ANKRD30A: variants seen among roughly 807,000 people sequenced by gnomAD.
The protein encoded by ANKRD30A is ankyrin repeat domain 30A, also known as ankyrin repeat domain-containing protein 30A.
ANKRD30A carries 170 observed loss-of-function variants against 166.3 expected under a neutral mutation model. The observed-to-expected ratio is 1.02, with a 90% CI of 0.90 to 1.16. The LOEUF is 1.16. Among genes scored for constraint, ANKRD30A ranks in the 50% most tolerant of loss-of-function variants. The probability of loss-of-function intolerance (pLI) is 0.00; values close to 1 mark genes in which losing one functional copy is unlikely to be tolerated. For synonymous variants in ANKRD30A, 564 were observed against 508.9 expected (o/e 1.11, Z -1.46); for missense variants, 1,630 against 1,518.0 (o/e 1.07, Z -1.23).
the ANKRD30A span, among the ~76,000 whole-genome samples, chr10:37,247,317 C>T: frequency 6.6e-6 from 1 of 152,150 alleles, no homozygotes. Flanking sequence ...CCTCATTTTA[C>T]ACGGGAAGGT....
chr10:37,219,666 T>C lies in ANKRD30A; in HGVS notation c.3954T>C (p.Ser1318=). The part of the protein sequence containing the change: ...NVNKHTEQQE[S]LDQKLFQLQS... ...ACAAACACACTGAACAGCAGGAGTC[T>C]CTAGATCAGAAATTATTTCAACTAC... The change falls in exon 34 of 36, where the codon TCT becomes TCC. Residue 1318 remains serine, a synonymous_variant. Transcript: ENST00000361713. 1 of 1,609,710 alleles carries C rather than the reference T, an allele frequency of 6.2e-7. No individual in the cohort carries two copies. Among genetic ancestry groups the C allele is most frequent in the African/African-American group, 1.3e-5 (1 of 74,668 alleles).
the ANKRD30A span, among the ~76,000 whole-genome samples, chr10:37,257,816 G>A: frequency 6.6e-6 from 1 of 152,114 alleles, no homozygotes. Flanking sequence ...TCCTTTGCAG[G>A]GACATGGATG....
At chr10:37,200,404 A>G (rs1258555561) in intron 30 of ANKRD30A, among the ~76,000 whole-genome samples, 1 of 152,052 alleles carries the variant, frequency 6.6e-6, no homozygotes, top group Non-Finnish European at 1.5e-5. Context: ...GAGTCCCTTT[A>G]TGACAGTCAA....
the ANKRD30A span, among the ~76,000 whole-genome samples, chr10:37,244,480 C>T: frequency 6.6e-6 from 1 of 152,150 alleles, no homozygotes; most frequent in East Asian, 1.9e-4. Flanking sequence ...GTTTTTCATC[C>T]ATGTTAGAAT....
intron 31 of ANKRD30A, among the ~76,000 whole-genome samples, chr10:37,208,862 A>G (rs530334013): frequency 1.8e-4 from 27 of 152,320 alleles, no homozygotes; most frequent in Middle Eastern, 3.4e-3. Flanking sequence ...GAAAGCTGAA[A>G]AAACACAGGA....
At chr10:37,204,024 G>A (rs1189456281) in intron 31 of ANKRD30A, among the ~76,000 whole-genome samples, 2 of 152,154 alleles carry the variant, frequency 1.3e-5, no homozygotes, top group African/African-American at 4.8e-5. Context: ...CCATGCTTAT[G>A]GATAGGAAGA....
At chr10:37,247,935 G>A in the ANKRD30A span, among the ~76,000 whole-genome samples, 1 of 151,210 alleles carries the variant, frequency 6.6e-6, no homozygotes, top group East Asian at 1.9e-4. Context: ...CTTAATACCT[G>A]GGTGATGAAA....
the ANKRD30A span, chr10:37,262,075 G>C: frequency 6.6e-6 from 1 of 152,228 alleles, no homozygotes; most frequent in Non-Finnish European, 1.5e-5. Flanking sequence ...GGCCTGAATG[G>C]TTATGAAGTG....
intron 34 of ANKRD30A, among the ~76,000 whole-genome samples, chr10:37,227,667 T>C (rs529513275): frequency 6.6e-6 from 1 of 152,086 alleles, no homozygotes; most frequent in Non-Finnish European, 1.5e-5. Context: ...CATGACTTGA[T>C]GGGAAGTCAA....
At chr10:37,244,970 A>T in the ANKRD30A span, among the ~76,000 whole-genome samples, 1 of 152,184 alleles carries the variant, frequency 6.6e-6, no homozygotes, top group East Asian at 1.9e-4. Context: ...GAAAGAGAAG[A>T]GAGGGAAAAT....
At chr10:37,196,725 A>G (rs1415064916) in intron 27 of ANKRD30A, among the ~76,000 whole-genome samples, 1 of 152,178 alleles carries the variant, frequency 6.6e-6, no homozygotes, top group Non-Finnish European at 1.5e-5. Flanking sequence ...TCAGATGAAT[A>G]AAGCAGAGGA....
chr10:37,256,706 A>AT, the ANKRD30A span, among the ~76,000 whole-genome samples: 1 of 152,228 alleles, frequency 6.6e-6, no homozygotes, highest in South Asian at 2.1e-4. Flanking sequence ...TCCTGAATAA[A>AT]TGGAAGTGTT....
chr10:37,227,584 G>A (rs944087968), intron 34 of ANKRD30A, among the ~76,000 whole-genome samples: 1 of 151,932 alleles, frequency 6.6e-6, no homozygotes, highest in Non-Finnish European at 1.5e-5. Context: ...CATGATAAAA[G>A]TTCAGTATAG....
At chr10:37,130,799 A>C (rs1588742319) in intron 3 of ANKRD30A, among the ~76,000 whole-genome samples, 1 of 152,338 alleles carries the variant, frequency 6.6e-6, no homozygotes, top group East Asian at 1.9e-4. Context: ...TGGTATGCTA[A>C]GAAGACATTC....
At chr10:37,147,705 CAAGT>C (rs1837607533) in intron 9 of ANKRD30A, among the ~76,000 whole-genome samples, 1 of 126,154 alleles carries the variant, frequency 7.9e-6, no homozygotes, top group Non-Finnish European at 1.7e-5. Context: ...AGTCAGGAAA[CAAGT>C]AAGGGAAAAG....
At chr10:37,197,210 T>C in intron 27 of ANKRD30A, 71 bp from the exon 28 acceptor site, 1 of 1,586,900 alleles carries the variant, frequency 6.3e-7, no homozygotes, top group Non-Finnish European at 8.6e-7. Context: ...TTAGATACTA[T>C]CACGGCATTC....
At chr10:37,222,125 C>T (rs983013735) in intron 34 of ANKRD30A, among the ~76,000 whole-genome samples, 4 of 151,270 alleles carry the variant, frequency 2.6e-5, no homozygotes, top group Non-Finnish European at 4.4e-5. Flanking sequence ...ATAGTTCACA[C>T]ATTTAAATTG....
chr10:37,165,670 A>T (rs556039532), intron 18 of ANKRD30A, among the ~76,000 whole-genome samples: 1 of 152,228 alleles, frequency 6.6e-6, no homozygotes, highest in East Asian at 1.9e-4. Flanking sequence ...AGCATGAGGA[A>T]TAGGAAACCT....
chr10:37,232,683 TATATATATATAAATAG>T (rs1433112308), downstream of ANKRD30A: 2 of 5,746 alleles, frequency 3.5e-4, 1 homozygote, highest in Admixed American at 0.01. Flanking sequence ...TATATATATA[TATATATATATAAATAG>T]AGAGAGAGAG....
Sources: allele counts gnomAD v4.1 joint callset (sites outside exome capture counted in the v4.1 genomes callset), GRCh38; gene constraint gnomAD v4.1.1; transcripts MANE v1.5; gene names NCBI Gene and HGNC (gene_info 2026-07-23, HGNC 2026-07-21).